PDE4D: variants seen among roughly 807,000 people sequenced by gnomAD.
PDE4D encodes phosphodiesterase 4D.
PDE4D carries 24 observed loss-of-function variants against 87.4 expected under a neutral mutation model. The observed-to-expected ratio is 0.27, with a 90% CI of 0.20 to 0.39. PDE4D has a LOEUF of 0.39. Ranked by LOEUF, PDE4D falls within the 10% of genes least tolerant of loss-of-function variation. PDE4D has a pLI of 1.00. For synonymous variants in PDE4D, 384 were observed against 383.2 expected, an observed-to-expected ratio of 1.00 and a Z score of -0.02; for missense variants, 714 against 1,041.0, an observed-to-expected ratio of 0.69 and a Z score of 4.32.
intron 1 of PDE4D, among the ~76,000 whole-genome samples, chr5:60,303,148 C>T (rs113914408): frequency 0.062 from 9,283 of 150,922 alleles, 914 homozygotes; most frequent in African/African-American, 0.21. Flanking sequence ...CTCTTAACAC[C>T]GCTTTAGCTA....
At chr5:59,550,499 A>C (rs1383553363) in intron 1 of PDE4D, among the ~76,000 whole-genome samples, 2 of 152,212 alleles carry the variant, frequency 1.3e-5, no homozygotes, top group African/African-American at 4.8e-5. Flanking sequence ...ACTTTAGTCA[A>C]TACGCTGAAT....
At chr5:59,842,624 G>A (rs1480243445) in intron 1 of PDE4D, among the ~76,000 whole-genome samples, 1 of 151,970 alleles carries the variant, frequency 6.6e-6, no homozygotes, top group Non-Finnish European at 1.5e-5. Flanking sequence ...TAATCATAAA[G>A]ATAAATTTAA....
intron 1 of PDE4D, among the ~76,000 whole-genome samples, chr5:59,285,393 C>T (rs2153551266): frequency 6.6e-6 from 1 of 152,070 alleles, no homozygotes; most frequent in South Asian, 2.1e-4. Flanking sequence ...TGCTTCATGG[C>T]TGGAATTAGA....
At chr5:60,346,554 A>G (rs1197691934) in intron 1 of PDE4D, among the ~76,000 whole-genome samples, 1 of 152,104 alleles carries the variant, frequency 6.6e-6, no homozygotes, top group Non-Finnish European at 1.5e-5. Context: ...TCTAATATTC[A>G]TGGTTGTGCC....
At chr5:60,125,752 T>C (rs369496262) in intron 2 of PDE4D, among the ~76,000 whole-genome samples, 1 of 152,184 alleles carries the variant, frequency 6.6e-6, no homozygotes, top group African/African-American at 2.4e-5. Flanking sequence ...TGGTACACAA[T>C]TGGAATCAAA....
intron 1 of PDE4D, among the ~76,000 whole-genome samples, chr5:59,876,101 A>G (rs1337842380): frequency 1.3e-5 from 2 of 152,216 alleles, no homozygotes; most frequent in African/African-American, 4.8e-5. Flanking sequence ...TATCCTGCAC[A>G]TGTACACTGA....
At chr5:59,464,042 C>A (rs200358634) in intron 1 of PDE4D, among the ~76,000 whole-genome samples, 62 of 152,166 alleles carry the variant, frequency 4.1e-4, no homozygotes, top group Non-Finnish European at 7.6e-4. Context: ...GAGTCATCAC[C>A]ACTCCCTAAT....
At chr5:59,836,243 CTTTAT>C (rs1742009463) in intron 1 of PDE4D, among the ~76,000 whole-genome samples, 1 of 151,928 alleles carries the variant, frequency 6.6e-6, no homozygotes, top group Non-Finnish European at 1.5e-5. Flanking sequence ...TAGCACAGTA[CTTTAT>C]TATTTATGTA....
rs142665514 is a variant in PDE4D, at chr5:59,880,793, AAAAC to A, written c.455+12371_455+12374del. Among the ~76,000 whole-genome samples the A allele has an allele frequency of 5.3e-5, 8 of 152,344 alleles. No homozygotes were observed. In the East Asian group the frequency reaches 9.6e-4, roughly 18 times the overall value. On this transcript the variant is annotated intron_variant, in intron 1 of 14. Coordinates refer to ENST00000340635, the MANE Select transcript of PDE4D (RefSeq NM_001104631.2). ...GGTCCTCATGTCATGACTGCCACTA[AAAAC>A]AAACAGACATAAATTGTTTTCCCTA...
At chr5:59,730,181 G>A (rs1757176609) in intron 1 of PDE4D, among the ~76,000 whole-genome samples, 1 of 152,078 alleles carries the variant, frequency 6.6e-6, no homozygotes, top group Non-Finnish European at 1.5e-5. Context: ...CTTCAGGAAT[G>A]TGCAAGCTGG....
chr5:59,252,940 C>G (rs1371166368), intron 1 of PDE4D, among the ~76,000 whole-genome samples: 2 of 152,122 alleles, frequency 1.3e-5, no homozygotes, highest in Non-Finnish European at 2.9e-5. Context: ...TTCCTAGGTA[C>G]CCTTGCTCCC....
At chr5:59,884,678 G>T (rs997993606) in intron 1 of PDE4D, among the ~76,000 whole-genome samples, 4 of 151,940 alleles carry the variant, frequency 2.6e-5, no homozygotes, top group Admixed American at 6.6e-5. Flanking sequence ...TGGGACAAAA[G>T]TATGCACATT....
rs1373136875 is a variant in PDE4D, at chr5:60,428,299, T to A, written c.-90+59643A>T. 2.0e-5 allele frequency among the ~76,000 whole-genome samples: 3 copies of A among 149,344 alleles called. No homozygotes were observed. The East Asian group carries it at 5.9e-4, about 29-fold the overall frequency. On this transcript the variant is annotated intron_variant, in intron 1 of 16. Coordinates refer to the PDE4D transcript ENST00000502484. Reference sequence around the variant, plus strand: ...AAACAGAGAGATAAGGGGGTATAACTAAAAGCCAATAGAAAAAATAAAATG... The same window carrying A: ...AAACAGAGAGATAAGGGGGTATAACAAAAAGCCAATAGAAAAAATAAAATG...
At chr5:59,384,678 C>T (rs971085549) in intron 1 of PDE4D, among the ~76,000 whole-genome samples, 2 of 151,958 alleles carry the variant, frequency 1.3e-5, no homozygotes, top group Non-Finnish European at 2.9e-5. Context: ...CAAAACTATA[C>T]TATATATATT....
At chr5:59,664,327 C>T (rs144164200) in intron 1 of PDE4D, among the ~76,000 whole-genome samples, 2 of 152,302 alleles carry the variant, frequency 1.3e-5, no homozygotes, top group East Asian at 3.9e-4. Flanking sequence ...ACAACTAGAT[C>T]TGTGATTTAC....
intron 1 of PDE4D, among the ~76,000 whole-genome samples, chr5:59,285,096 A>T (rs1284897120): frequency 8.0e-6 from 1 of 125,714 alleles, no homozygotes; most frequent in Non-Finnish European, 1.7e-5. Context: ...TAGCATTGGG[A>T]GATATACCTA....
chr5:59,277,155 T>C (rs780938140), intron 1 of PDE4D, among the ~76,000 whole-genome samples: 15 of 152,130 alleles, frequency 9.9e-5, no homozygotes, highest in Non-Finnish European at 1.9e-4. Context: ...CCAAACAACT[T>C]GGAAAATGTA....
chr5:60,203,802 C>T (rs1315498692), intron 1 of PDE4D, among the ~76,000 whole-genome samples: 1 of 151,942 alleles, frequency 6.6e-6, no homozygotes, highest in East Asian at 1.9e-4. Flanking sequence ...ATATTTATGC[C>T]CTAGCCACCA....
At chr5:59,629,864 C>T (rs1303940977) in intron 1 of PDE4D, among the ~76,000 whole-genome samples, 1 of 152,124 alleles carries the variant, frequency 6.6e-6, no homozygotes, top group Admixed American at 6.5e-5. Context: ...GTGGCAGACT[C>T]AAGACAGAAG....
Sources: gnomAD v4.1 joint callset for allele counts (sites outside exome capture counted in the v4.1 genomes callset) on GRCh38, gnomAD v4.1.1 for gene constraint, MANE v1.5 for transcripts, NCBI Gene and HGNC (gene_info 2026-07-23, HGNC 2026-07-21) for gene names.